CSNK1A1: variants seen among roughly 807,000 people sequenced by gnomAD.
CSNK1A1 encodes the protein casein kinase 1 alpha 1, also known as casein kinase I isoform alpha.
In CSNK1A1, 7 loss-of-function variants were observed where a neutral mutation model predicts 46.1. The ratio of observed to expected loss-of-function variants is 0.15; its 90% confidence interval spans 0.09 to 0.29. The LOEUF (loss-of-function observed/expected upper bound fraction) is 0.29. CSNK1A1 is among the 10% of genes least tolerant of loss of function. CSNK1A1 has a pLI of 1.00. For synonymous variants in CSNK1A1, 137 were observed against 141.5 expected, an observed-to-expected ratio of 0.97 and a Z score of 0.23; for missense variants, 96 against 417.1, an observed-to-expected ratio of 0.23 and a Z score of 6.71.
intron 9 of CSNK1A1, among the ~76,000 whole-genome samples, chr5:149,500,135 ATT>A (rs1193702653): frequency 3.8e-5 from 4 of 106,324 alleles, no homozygotes; most frequent in Admixed American, 9.5e-5. Flanking sequence ...CGCCCAGCTA[ATT>A]TTTTTTTTTT....
intron 2 of CSNK1A1, among the ~76,000 whole-genome samples, chr5:149,530,965 C>CGAAAAAAAAAAA (rs1222480490): frequency 1.2e-5 from 1 of 81,738 alleles, no homozygotes; most frequent in Non-Finnish European, 2.1e-5. Flanking sequence ...GACTCTGTCT[C>CGAAAAAAAAAAA]AAAAAAAAAA....
chr5:149,501,466 T>TA, intron 9 of CSNK1A1: 1 of 985,412 alleles, frequency 1.0e-6, no homozygotes, highest in Non-Finnish European at 1.2e-6. Context: ...AAACTAGACA[T>TA]AAACGGTAGA....
chr5:149,536,556 G>C (rs1370321467), intron 2 of CSNK1A1, among the ~76,000 whole-genome samples: 1 of 152,114 alleles, frequency 6.6e-6, no homozygotes, highest in Non-Finnish European at 1.5e-5. Flanking sequence ...GTTTTACGTA[G>C]CAAATACAGA....
Position 149,495,214 on chromosome 5 carries a change from A to T in CSNK1A1, c.*1639T>A, listed in dbSNP as rs1342603019. On this transcript the variant is annotated 3_prime_UTR_variant, in exon 10 of 10. Transcript: ENST00000377843. ...ATTATTGCTAAAGTAGTTTTCAAAT[A>T]AAAAAAAGAAAAAAGAAAACAAAAC... 1 of 152,032 alleles carries T rather than the reference A, an allele frequency of 6.6e-6. No homozygotes were observed. The highest frequency in any genetic ancestry group is 1.5e-5 in the Non-Finnish European group (1 of 67,986). 9.4% of individuals were successfully genotyped at this position (152,032 alleles called of 1,614,324 possible). A position where few individuals can be genotyped will look rare whatever the true frequency, so the allele number is the denominator to read the frequency against.
intron 6 of CSNK1A1, among the ~76,000 whole-genome samples, chr5:149,510,470 T>C (rs769560896): frequency 4.0e-5 from 6 of 151,850 alleles, no homozygotes; most frequent in African/African-American, 7.3e-5. Flanking sequence ...TTTTCTTTGT[T>C]TTTTTGTTTG....
intron 9 of CSNK1A1, chr5:149,502,535 T>TGGGGGGG (rs1760902546): frequency 4.9e-4 from 17 of 34,868 alleles, no homozygotes; most frequent in African/African-American, 1.0e-3. Flanking sequence ...GGGGGGGGGT[T>TGGGGGGG]GGGGACGATG....
At chr5:149,534,656 T>A (rs199767148) in intron 2 of CSNK1A1, among the ~76,000 whole-genome samples, 1 of 151,720 alleles carries the variant, frequency 6.6e-6, no homozygotes, top group Non-Finnish European at 1.5e-5. Flanking sequence ...AAAGGAGCCA[T>A]GCGATAGCTC....
intron 4 of CSNK1A1, among the ~76,000 whole-genome samples, chr5:149,519,237 G>A (rs1265128701): frequency 6.6e-6 from 1 of 152,014 alleles, no homozygotes; most frequent in African/African-American, 2.4e-5. Context: ...TAATGGTAAT[G>A]TCTCCCAGTT....
intron 4 of CSNK1A1, among the ~76,000 whole-genome samples, chr5:149,513,909 A>AG (rs1761315574): frequency 1.3e-5 from 2 of 151,904 alleles, no homozygotes; most frequent in South Asian, 4.2e-4. Context: ...TAAAAAAAAA[A>AG]AAAAAATCCA....
At chr5:149,547,633 G>A (rs1239945762) in intron 2 of CSNK1A1, among the ~76,000 whole-genome samples, 1 of 151,422 alleles carries the variant, frequency 6.6e-6, no homozygotes, top group Non-Finnish European at 1.5e-5. Context: ...GTAATGGAAA[G>A]CAAATCAGGG....
chr5:149,550,430 CT>C lies in CSNK1A1; in HGVS notation c.124-250del, dbSNP rs1261658211. 2.6e-6 allele frequency: 3 copies of C among 1,160,094 alleles called. No individual in the cohort carries two copies. The East Asian group carries it at 9.8e-5, about 38-fold the overall frequency. 71.9% of individuals were successfully genotyped at this position (1,160,094 alleles called of 1,614,324 possible). A position where few individuals can be genotyped will look rare whatever the true frequency, so the allele number is the denominator to read the frequency against. On this transcript the variant is annotated intron_variant, in intron 1 of 9. Coordinates refer to ENST00000377843, the MANE Select transcript of CSNK1A1 (RefSeq NM_001892.6). The surrounding 1 kb of genome is among the most constrained non-coding windows in gnomAD (Gnocchi z 4.3). The stretch of plus-strand genomic sequence containing the variant: ...TTCATCCAGAAAAAAGAGGCAACCT[CT>C]GAACGTAGTGAGAGGTTTTTAAGGA...
chr5:149,500,776 A>G (rs907296509), intron 9 of CSNK1A1, among the ~76,000 whole-genome samples: 5 of 151,750 alleles, frequency 3.3e-5, no homozygotes, highest in Admixed American at 6.6e-5. Flanking sequence ...AGAATTTTAA[A>G]TCAGATTGGC....
At chr5:149,524,082 T>C (rs1008669731) in intron 3 of CSNK1A1, among the ~76,000 whole-genome samples, 1 of 152,330 alleles carries the variant, frequency 6.6e-6, no homozygotes, top group Admixed American at 6.5e-5. Flanking sequence ...TAAATAATAG[T>C]ATTAAAAGGT....
intron 6 of CSNK1A1, among the ~76,000 whole-genome samples, chr5:149,510,609 A>C (rs1257706401): frequency 1.3e-5 from 2 of 151,170 alleles, no homozygotes; most frequent in Non-Finnish European, 2.9e-5. Flanking sequence ...CTCCTGAGTA[A>C]TTGGGGCTAC....
chr5:149,521,553 G>A (rs1464647913), intron 3 of CSNK1A1, among the ~76,000 whole-genome samples: 11 of 151,404 alleles, frequency 7.3e-5, no homozygotes, highest in Non-Finnish European at 1.2e-4. Context: ...TCCCAATGTG[G>A]TAGGATTACA....
At chr5:149,497,917 T>G in intron 9 of CSNK1A1, 1 of 806,066 alleles carries the variant, frequency 1.2e-6, no homozygotes, top group East Asian at 1.2e-4. Flanking sequence ...CACCGCAACC[T>G]CTGCCTCCTG....
chr5:149,519,358 CAAAAA>C (rs1761495718), intron 4 of CSNK1A1, among the ~76,000 whole-genome samples: 1 of 151,686 alleles, frequency 6.6e-6, no homozygotes, highest in African/African-American at 2.4e-5. Context: ...AAAAACAAAA[CAAAAA>C]AGCCACAAAA....
intron 2 of CSNK1A1, among the ~76,000 whole-genome samples, chr5:149,544,737 T>TATA (rs1554118044): frequency 3.6e-4 from 29 of 80,800 alleles, no homozygotes; most frequent in Admixed American, 1.2e-3. Flanking sequence ...GTAAAGAGCT[T>TATA]TATATATATA....
chr5:149,542,648 A>ATG (rs1762318420), intron 2 of CSNK1A1, among the ~76,000 whole-genome samples: 1 of 5,618 alleles, frequency 1.8e-4, no homozygotes, highest in African/African-American at 1.2e-3. Flanking sequence ...ATGTATATAT[A>ATG]TATATATATA....
Sources: allele counts gnomAD v4.1 joint callset (sites outside exome capture counted in the v4.1 genomes callset), GRCh38; gene constraint gnomAD v4.1.1; non-coding constraint Gnocchi (gnomAD v3.1); transcripts MANE v1.5; gene names NCBI Gene and HGNC (gene_info 2026-07-23, HGNC 2026-07-21).